ETV6: variants seen among roughly 807,000 people sequenced by gnomAD.
ETV6 encodes the protein ETS variant transcription factor 6.
In ETV6, 16 loss-of-function variants were observed where a neutral mutation model predicts 51.1. That is an observed-to-expected ratio of 0.31 (90% confidence interval 0.21 to 0.48). The LOEUF is 0.48. Among genes scored for constraint, ETV6 ranks in the 20% least tolerant of loss-of-function variants. ETV6 has a pLI of 0.99. For missense variants in ETV6, 458 were observed against 594.8 expected, an observed-to-expected ratio of 0.77 and a Z score of 2.39; for synonymous variants, 240 against 224.1, an observed-to-expected ratio of 1.07 and a Z score of -0.64.
chr12:11,654,721 A>G (rs73286671), intron 1 of ETV6, among the ~76,000 whole-genome samples: 18,214 of 151,938 alleles, frequency 0.12, 1,308 homozygotes, highest in African/African-American at 0.21. Context: ...CAATATATGT[A>G]TATATATATA....
intron 1 of ETV6, among the ~76,000 whole-genome samples, chr12:11,694,805 C>T (rs205546): frequency 0.98 from 149,912 of 152,346 alleles, 73,801 homozygotes; most frequent in East Asian, 1. Flanking sequence ...TGGAATAAGA[C>T]GTTCTTTTCC....
chr12:11,699,274 A>G (rs1864934186), intron 1 of ETV6, among the ~76,000 whole-genome samples: 1 of 152,228 alleles, frequency 6.6e-6, no homozygotes, highest in Non-Finnish European at 1.5e-5. Context: ...AGTTTTGCTG[A>G]ATACACATCC....
chr12:11,754,749 T>A (rs542889980), intron 2 of ETV6, among the ~76,000 whole-genome samples: 20 of 152,386 alleles, frequency 1.3e-4, no homozygotes, highest in African/African-American at 4.6e-4. Flanking sequence ...TTGAGCCGTG[T>A]CTGTGCTGCT....
intron 2 of ETV6, among the ~76,000 whole-genome samples, chr12:11,813,888 A>C (rs1303032571): frequency 6.6e-6 from 1 of 152,256 alleles, no homozygotes; most frequent in Admixed American, 6.5e-5. Context: ...TACACATGCA[A>C]AATGAAAACT....
chr12:11,875,370 G>T (rs1046380385), intron 5 of ETV6, among the ~76,000 whole-genome samples: 1 of 152,204 alleles, frequency 6.6e-6, no homozygotes, highest in Non-Finnish European at 1.5e-5. Context: ...TGAAAAAGTT[G>T]CCTCTTTCTG....
intron 1 of ETV6, among the ~76,000 whole-genome samples, chr12:11,660,628 G>A (rs1405911418): frequency 1.3e-5 from 2 of 151,748 alleles, no homozygotes; most frequent in South Asian, 2.1e-4. Context: ...GGAGATGGGG[G>A]ACATGGTGGG....
At chr12:11,706,724 C>T (rs1865079228) in intron 1 of ETV6, among the ~76,000 whole-genome samples, 1 of 152,254 alleles carries the variant, frequency 6.6e-6, no homozygotes, top group East Asian at 1.9e-4. Context: ...CAGGGCCCGA[C>T]TGTTACAAGC....
chr12:11,805,022 G>A (rs1945808967), intron 2 of ETV6, among the ~76,000 whole-genome samples: 1 of 152,104 alleles, frequency 6.6e-6, no homozygotes, highest in African/African-American at 2.4e-5. Flanking sequence ...TCCTGAACTT[G>A]GCGTTCTCAG....
At chr12:11,756,484 A>T (rs1945009598) in intron 2 of ETV6, among the ~76,000 whole-genome samples, 1 of 152,188 alleles carries the variant, frequency 6.6e-6, no homozygotes, top group African/African-American at 2.4e-5. Flanking sequence ...GTGGGAAAAA[A>T]AAAGTTGCAT....
chr12:11,820,442 A>T (rs1320754219), intron 2 of ETV6, among the ~76,000 whole-genome samples: 2 of 152,224 alleles, frequency 1.3e-5, no homozygotes, highest in African/African-American at 4.8e-5. Context: ...TAGATTAGGG[A>T]TGAATGCTAA....
intron 7 of ETV6, among the ~76,000 whole-genome samples, chr12:11,890,518 C>G (rs570754741): frequency 1.3e-5 from 2 of 151,866 alleles, no homozygotes; most frequent in South Asian, 4.2e-4. Context: ...GCCTTAACCT[C>G]CTGAGCTTAA....
At chr12:11,688,593 C>T (rs1471587822) in intron 1 of ETV6, among the ~76,000 whole-genome samples, 1 of 152,218 alleles carries the variant, frequency 6.6e-6, no homozygotes, top group East Asian at 1.9e-4. Flanking sequence ...TGTAACCTGC[C>T]TCAAGACTGC....
chr12:11,714,436 C>T (rs1012107449), intron 1 of ETV6, among the ~76,000 whole-genome samples: 10 of 152,144 alleles, frequency 6.6e-5, no homozygotes, highest in East Asian at 1.9e-4. Flanking sequence ...TGCCTAACTA[C>T]GCAGCCTGCC....
At chr12:11,858,650 C>T (rs1946667580) in intron 4 of ETV6, among the ~76,000 whole-genome samples, 1 of 152,168 alleles carries the variant, frequency 6.6e-6, no homozygotes. Flanking sequence ...TCTTTAGTTG[C>T]ATCCTGTCCT....
intron 7 of ETV6, among the ~76,000 whole-genome samples, chr12:11,890,633 C>G (rs1947272716): frequency 6.6e-6 from 1 of 151,898 alleles, no homozygotes; most frequent in African/African-American, 2.4e-5. Flanking sequence ...CTATGTTGCC[C>G]AAGCTGGTCT....
At chr12:11,839,657 A>G (rs570916400) in intron 3 of ETV6, among the ~76,000 whole-genome samples, 3 of 152,200 alleles carry the variant, frequency 2.0e-5, no homozygotes, top group Non-Finnish European at 4.4e-5. Context: ...AGGAGGGTGA[A>G]TTGCTTGAGC....
chr12:11,782,207 C>T (rs1032929730), intron 2 of ETV6, among the ~76,000 whole-genome samples: 2 of 152,286 alleles, frequency 1.3e-5, no homozygotes, highest in South Asian at 2.1e-4. Context: ...TCACTTTACT[C>T]GTCTACTCAT....
intron 1 of ETV6, among the ~76,000 whole-genome samples, chr12:11,713,118 T>A (rs1297752532): frequency 1.3e-5 from 2 of 152,164 alleles, no homozygotes; most frequent in African/African-American, 4.8e-5. Context: ...CTGATGCCAG[T>A]CAGGATAGAG....
At chr12:11,760,944 ATATATGTG>A (rs1945078414) in intron 2 of ETV6, among the ~76,000 whole-genome samples, 1 of 119,858 alleles carries the variant, frequency 8.3e-6, no homozygotes, top group Non-Finnish European at 2.0e-5. Context: ...GTATATATGT[ATATATGTG>A]TGTATATGTA....
Sources: allele counts gnomAD v4.1 joint callset (sites outside exome capture counted in the v4.1 genomes callset), GRCh38; gene constraint gnomAD v4.1.1; transcripts MANE v1.5; gene names NCBI Gene and HGNC (gene_info 2026-07-23, HGNC 2026-07-21).